Variants in ANK2 observed in about 807,000 individuals in gnomAD.
The protein encoded by ANK2 is ankyrin 2, also known as ankyrin-2.
In ANK2, 83 loss-of-function variants were observed where a neutral mutation model predicts 360.5. The ratio of observed to expected loss-of-function variants is 0.23; its 90% CI spans 0.19 to 0.28. The LOEUF (loss-of-function observed/expected upper bound fraction) is 0.28, where lower values mean the gene tolerates loss of function less well. ANK2 is among the 10% of genes least tolerant of loss of function. The pLI, the probability that ANK2 is intolerant of heterozygous loss-of-function variation, is 1.00. For missense variants in ANK2, 4,201 were observed against 4,795.7 expected (o/e 0.88, Z 3.66); for synonymous variants, 1,740 against 1,759.5 (o/e 0.99, Z 0.28).
At chr4:112,801,818 AT>A in the ANK2 span, among the ~76,000 whole-genome samples, 2 of 152,172 alleles carry the variant, frequency 1.3e-5, no homozygotes, top group Non-Finnish European at 1.5e-5. Flanking sequence ...TCAGGACTCT[AT>A]TTTGAGAGCA....
intron 2 of ANK2, among the ~76,000 whole-genome samples, chr4:112,909,099 G>T (rs1404221477): frequency 1.3e-5 from 2 of 152,188 alleles, no homozygotes; most frequent in Non-Finnish European, 2.9e-5. Flanking sequence ...CTGGGGAATA[G>T]AATACCTTGC....
intron 2 of ANK2, among the ~76,000 whole-genome samples, chr4:112,946,898 T>C (rs907933582): frequency 6.6e-6 from 1 of 152,232 alleles, no homozygotes; most frequent in African/African-American, 2.4e-5. Flanking sequence ...CTTCCTTAGG[T>C]GATTGTGCTC....
intron 9 of ANK2, among the ~76,000 whole-genome samples, chr4:113,246,500 T>G (rs1445451606): frequency 3.3e-5 from 5 of 152,192 alleles, no homozygotes; most frequent in Non-Finnish European, 7.4e-5. Flanking sequence ...TTATAGCTAG[T>G]GAAAATGAAA....
Position 113,343,053 on chromosome 4 carries a change from G to A in ANK2, c.4159G>A (p.Gly1387Ser), listed in dbSNP as rs751096182. The A allele has an allele frequency of 3.7e-6, 6 of 1,613,658 alleles. No homozygotes were observed. The highest frequency in any genetic ancestry group is 1.3e-5 in the African/African-American group (1 of 74,850). Reference protein sequence around the residue: ...EGKPIYVDCFGNLVPLTKSGQ... With the variant: ...EGKPIYVDCFSNLVPLTKSGQ... ...AAAACCCATCTACGTTGATTGTTTC[G>A]GCAACTTGGTACCATTAACTAAAAG... The change falls in exon 34 of 46, where the codon GGC (glycine) becomes AGC (serine). Residue 1387 changes from glycine to serine, a missense_variant. By Grantham distance (56) the Gly-to-Ser change is moderately conservative. This residue lies in a region of ANK2 where 1,268 missense variants were observed against 1,650.8 expected (regional missense o/e 0.77). Coordinates refer to ENST00000357077, the MANE Select transcript of ANK2 (RefSeq NM_001148.6).
In ANK2 at chr4:113,369,529, A is replaced by G; in HGVS notation, c.11334A>G (p.Gly3778=). The G allele has an allele frequency of 2.5e-6, 4 of 1,613,994 alleles. No individual in the cohort carries two copies. Among genetic ancestry groups the G allele is most frequent in the Non-Finnish European group, 3.4e-6 (4 of 1,180,014 alleles). The change falls in exon 43 of 46, where the codon GGA becomes GGG. Residue 3778 remains glycine (G), a synonymous_variant. Coordinates refer to ENST00000357077, the MANE Select transcript of ANK2 (RefSeq NM_001148.6). ...YQQEYFVTTP[G]TETSETQKAM... is the part of the protein sequence containing the mutation. ...TTGATTCCAGTGTGACAACTCCAGGAACAGAAACATCAGAGACTCAGAAGG... is the reference window on the plus strand; with the variant it reads ...TTGATTCCAGTGTGACAACTCCAGGGACAGAAACATCAGAGACTCAGAAGG...
chr4:113,197,715 A>G (rs2098769775), intron 3 of ANK2, among the ~76,000 whole-genome samples: 1 of 152,386 alleles, frequency 6.6e-6, no homozygotes. Context: ...AGCAGAAATT[A>G]AAAAACAAAA....
chr4:113,196,305 G>A (rs1449192340), intron 2 of ANK2, 63 bp from the exon 3 acceptor site: 1 of 1,261,158 alleles, frequency 7.9e-7, no homozygotes, highest in Non-Finnish European at 1.1e-6. Flanking sequence ...TGCTTGAGTA[G>A]GATCAGGGCA....
chr4:112,751,969 G>A, the ANK2 span, among the ~76,000 whole-genome samples: 1 of 152,184 alleles, frequency 6.6e-6, no homozygotes, highest in Non-Finnish European at 1.5e-5. Context: ...AGAATAGGGA[G>A]AAAATAGCTT....
intron 1 of ANK2, chr4:112,827,420 CACTAGA>C: frequency 7.2e-7 from 1 of 1,381,960 alleles, no homozygotes; most frequent in Non-Finnish European, 1.0e-6. Flanking sequence ...AAGAAGAGAC[CACTAGA>C]ACTTGGAAGT....
chr4:112,887,022 T>G (rs114524602), intron 1 of ANK2, among the ~76,000 whole-genome samples: 1,688 of 152,278 alleles, frequency 0.011, 19 homozygotes, highest in African/African-American at 0.03. Flanking sequence ...AAATGGTAGG[T>G]TTTTTTCAAG....
intron 1 of ANK2, among the ~76,000 whole-genome samples, chr4:113,113,924 A>G (rs1189294912): frequency 1.3e-5 from 2 of 152,228 alleles, no homozygotes; most frequent in African/African-American, 2.4e-5. Context: ...TTACTACTGA[A>G]TAAGCTAGTT....
chr4:112,724,722 TAG>T, the ANK2 span, among the ~76,000 whole-genome samples: 1 of 152,144 alleles, frequency 6.6e-6, no homozygotes, highest in Non-Finnish European at 1.5e-5. Flanking sequence ...AATAATCGTT[TAG>T]CCACTGTGGA....
rs755548985 is a variant in ANK2 at position 113,354,590 on chromosome 4, G to C, written c.5972G>C (p.Arg1991Pro). 3 of 1,613,852 alleles carry C rather than the reference G, an allele frequency of 1.9e-6. No individual in the cohort carries two copies. The highest frequency in any genetic ancestry group is 1.1e-5 in the South Asian group (1 of 91,074). ...AGGATTGAGGAAACCATGTCTGTTC[G>C]GGAGCTGATGAAGGCTTTCCAGTCA... The part of the protein sequence containing the change: ...TERIEETMSV[R>P]ELMKAFQSGQ... Residue 1991 changes from arginine (R) to proline (P), a missense_variant, in exon 38 of 46, where the codon CGG becomes CCG. Transcript: ENST00000357077.
At chr4:112,771,104 G>A in the ANK2 span, among the ~76,000 whole-genome samples, 3 of 152,126 alleles carry the variant, frequency 2.0e-5, no homozygotes, top group Non-Finnish European at 4.4e-5. Flanking sequence ...AAGCATACAC[G>A]TTTATTTATT....
intron 1 of ANK2, among the ~76,000 whole-genome samples, chr4:112,862,712 T>C (rs1001536303): frequency 9.9e-5 from 15 of 152,218 alleles, no homozygotes; most frequent in Admixed American, 9.2e-4. Context: ...AATTATTTCG[T>C]ATCTTTGATT....
chr4:113,222,450 G>T (rs1044714700), intron 4 of ANK2, among the ~76,000 whole-genome samples: 20 of 146,724 alleles, frequency 1.4e-4, no homozygotes, highest in Admixed American at 6.2e-4. Flanking sequence ...AGGCTGGAGT[G>T]CAGTGGTGCA....
intron 1 of ANK2, among the ~76,000 whole-genome samples, chr4:112,865,713 GA>G (rs2070260392): frequency 6.6e-6 from 1 of 152,014 alleles, no homozygotes; most frequent in Admixed American, 6.6e-5. Flanking sequence ...ATAACCATTA[GA>G]AAAATGTAAA....
chr4:113,246,084 C>A (rs2153587152), intron 9 of ANK2, among the ~76,000 whole-genome samples: 1 of 152,322 alleles, frequency 6.6e-6, no homozygotes, highest in South Asian at 2.1e-4. Flanking sequence ...GCGTGAGCCA[C>A]CACACCCGGC....
At chr4:113,324,229 A>G (rs2088352575) in intron 26 of ANK2, among the ~76,000 whole-genome samples, 1 of 152,208 alleles carries the variant, frequency 6.6e-6, no homozygotes, top group South Asian at 2.1e-4. Flanking sequence ...TATTTTAAAT[A>G]CCATATTCTA....
Sources: allele counts gnomAD v4.1 joint callset (sites outside exome capture counted in the v4.1 genomes callset), GRCh38; gene constraint gnomAD v4.1.1; regional missense constraint gnomAD v4.1.1; transcripts MANE v1.5; gene names NCBI Gene and HGNC (gene_info 2026-07-23, HGNC 2026-07-21).